PHOSPHO1: variants seen among roughly 807,000 people sequenced by gnomAD.
PHOSPHO1 encodes phosphoethanolamine/phosphocholine phosphatase.
A neutral mutation model predicts 17.7 loss-of-function variants in PHOSPHO1; 6 were observed. The ratio of observed to expected loss-of-function variants is 0.34; its 90% CI spans 0.19 to 0.67. The LOEUF is 0.67. Among genes scored for constraint, PHOSPHO1 ranks in the 30% least tolerant of loss-of-function variants. PHOSPHO1 has a pLI of 0.69. For missense variants in PHOSPHO1, 330 were observed against 392.1 expected, an observed-to-expected ratio of 0.84 and a Z score of 1.34; for synonymous variants, 159 against 174.6, an observed-to-expected ratio of 0.91 and a Z score of 0.71.
intron 1 of PHOSPHO1, among the ~76,000 whole-genome samples, chr17:49,227,801 C>T (rs2043371995): frequency 6.6e-6 from 1 of 152,208 alleles, no homozygotes; most frequent in South Asian, 2.1e-4. Context: ...TTAAATCCTT[C>T]TGCAGGGATG....
intron 2 of PHOSPHO1, chr17:49,225,629 G>A: frequency 7.7e-7 from 1 of 1,292,346 alleles, no homozygotes; most frequent in Non-Finnish European, 1.0e-6. Context: ...AGGGCCCTGT[G>A]CTGACAGCTC....
chr17:49,225,993 G>T (rs144537807), intron 2 of PHOSPHO1, among the ~76,000 whole-genome samples: 1 of 152,052 alleles, frequency 6.6e-6, no homozygotes, highest in African/African-American at 2.4e-5. Flanking sequence ...CCAGATTCTT[G>T]TTGGAGGGGA....
In PHOSPHO1 at chr17:49,224,476, C is replaced by T; in HGVS notation, c.574G>A (p.Gly192Ser). ...TAGAAGAGGCGCTCGAAGTGCACGC[C>T]GTCGTGGGCCCGCTCGCGCAGGTAG... Reference protein sequence around the residue: ...SDYLRERAHDGVHFERLFYVG... With the variant: ...SDYLRERAHDSVHFERLFYVG... Residue 192 changes from glycine (G) to serine (S), a missense_variant, in exon 3 of 3, where the codon GGC becomes AGC. Gly to Ser is a moderately conservative substitution (Grantham distance 56, BLOSUM62 0). Coordinates refer to ENST00000310544, the MANE Select transcript of PHOSPHO1 (RefSeq NM_178500.4). 2 of 1,566,056 alleles carry T rather than the reference C, an allele frequency of 1.3e-6. No individual in the cohort carries two copies. The highest frequency in any genetic ancestry group is 1.7e-6 in the Non-Finnish European group (2 of 1,157,648).
intron 1 of PHOSPHO1, among the ~76,000 whole-genome samples, chr17:49,230,188 G>T (rs2043399118): frequency 6.6e-6 from 1 of 152,146 alleles, no homozygotes; most frequent in South Asian, 2.1e-4. Context: ...CCCCCGGCTG[G>T]CGGGCGCTGG....
Position 49,224,620 on chromosome 17 carries a change from G to C in PHOSPHO1, c.430C>G (p.Arg144Gly). The C allele has an allele frequency of 6.3e-7, 1 of 1,581,248 alleles. No homozygotes were observed. Among genetic ancestry groups the C allele is most frequent in the Non-Finnish European group, 8.6e-7 (1 of 1,169,424 alleles). Residue 144 changes from arginine to glycine, a missense_variant, in exon 3 of 3, where the codon CGC (arginine) becomes GGC (glycine). Coordinates refer to ENST00000310544, the MANE Select transcript of PHOSPHO1 (RefSeq NM_178500.4). Reference protein sequence around the residue: ...RAAGHHSLFRRILSNPSGPDA... With the variant: ...RAAGHHSLFRGILSNPSGPDA... ...GGCCCCGACGGGTTGCTGAGGATGC[G>C]GCGGAACAGGCTGTGGTGGCCGGCG...
intron 2 of PHOSPHO1, chr17:49,225,583 GTCTAGGGATGGGGCACAGCT>G (rs1462316463): frequency 7.8e-7 from 1 of 1,287,374 alleles, no homozygotes; most frequent in Admixed American, 2.3e-5. Context: ...CTGAACAGGG[GTCTAGGGATGGGGCACAGCT>G]TCTTCGGGGA....
At position 49,226,647 on chromosome 17, in the gene PHOSPHO1, C is replaced by A; in HGVS notation, c.45G>T (p.Arg15Ser). The change falls in exon 2 of 3, where the codon AGG becomes AGT. Residue 15 changes from arginine (R) to serine (S), a missense_variant and splice_region_variant. Arg to Ser is a moderately radical substitution (Grantham distance 110). Transcript: ENST00000310544. ...FPVSGLRCLS[R>S]DGRMAAQGAP... The stretch of plus-strand genomic sequence containing the variant: ...GAGACCCCTGGAGGGACCCACTTAC[C>A]CTAGATAGGCAGCGGAGGCCAGAAA... The A allele has an allele frequency of 6.2e-7, 1 of 1,614,172 alleles. No homozygotes were observed.
intron 2 of PHOSPHO1, chr17:49,225,564 C>T: frequency 2.4e-6 from 3 of 1,245,726 alleles, no homozygotes; most frequent in Non-Finnish European, 3.1e-6. Flanking sequence ...TGCTTCTAGC[C>T]CAATGGCACT....
At chr17:49,226,885 AC>A (rs2143566565) in intron 1 of PHOSPHO1, 127 bp from the exon 2 acceptor site, 1 of 619,576 alleles carries the variant, frequency 1.6e-6, no homozygotes, top group Non-Finnish European at 2.9e-6. Context: ...AGCAAAAACA[AC>A]CCCTCAAATA....
chr17:49,224,813 C>G lies in PHOSPHO1; in HGVS notation c.237G>C (p.Leu79=), dbSNP rs1406711829. ...NEYMQRVFKY[L]GEQGVRPRDL... ...CCCGCGGCCGCACGCCCTGCTCGCC[C>G]AGGTACTTGAAGACGCGCTGCATGT... The change falls in exon 3 of 3, where the codon CTG becomes CTC. Residue 79 remains leucine (L), a synonymous_variant. Coordinates refer to ENST00000310544, the MANE Select transcript of PHOSPHO1 (RefSeq NM_178500.4). 2 of 1,602,194 alleles carry G rather than the reference C, an allele frequency of 1.2e-6. No individual in the cohort carries two copies. Among genetic ancestry groups the G allele is most frequent in the East Asian group, 4.5e-5 (2 of 44,182 alleles).
intron 1 of PHOSPHO1, among the ~76,000 whole-genome samples, chr17:49,227,817 C>T (rs750047525): frequency 1.3e-5 from 2 of 152,116 alleles, no homozygotes; most frequent in Non-Finnish European, 2.9e-5. Context: ...GGATGGAATG[C>T]GGCTCTCAGT....
chr17:49,224,962 T>A lies in PHOSPHO1; in HGVS notation c.88A>T (p.Thr30Ser), dbSNP rs778697395. Reference protein sequence around the residue: ...AAQGAPRFLLTFDFDETIVDE... With the variant: ...AAQGAPRFLLSFDFDETIVDE... ...ACGATAGTCTCGTCGAAGTCGAAGG[T>A]CAGGAGGAAGCGCGGCGCGCCCTGC... The change falls in exon 3 of 3, where the codon ACC becomes TCC. Residue 30 changes from threonine (T) to serine (S), a missense_variant. By Grantham distance (58) the Thr-to-Ser change is moderately conservative. Coordinates refer to ENST00000310544, the MANE Select transcript of PHOSPHO1 (RefSeq NM_178500.4). The A allele has an allele frequency of 1.3e-6, 2 of 1,572,062 alleles. No individual in the cohort carries two copies. The highest frequency in any genetic ancestry group is 2.3e-5 in the South Asian group (2 of 87,284).
At chr17:49,229,172 C>T (rs1326351908) in intron 1 of PHOSPHO1, 5 of 152,194 alleles carry the variant, frequency 3.3e-5, no homozygotes, top group East Asian at 1.9e-4. Context: ...TGCTGTGACA[C>T]CTCGTCCCCA....
At chr17:49,230,107 G>A (rs2043398198) in intron 1 of PHOSPHO1, among the ~76,000 whole-genome samples, 1 of 152,166 alleles carries the variant, frequency 6.6e-6, no homozygotes, top group Non-Finnish European at 1.5e-5. Context: ...GGGGCAGGGA[G>A]GTGGCAGCTG....
At chr17:49,226,864 C>T in intron 1 of PHOSPHO1, 106 bp from the exon 2 acceptor site, 2 of 681,048 alleles carry the variant, frequency 2.9e-6, no homozygotes, top group Non-Finnish European at 5.1e-6. Context: ...AGGAGGCATT[C>T]CCAGGGTCTT....
chr17:49,226,762 A>G lies in PHOSPHO1; in HGVS notation c.-67-4T>C. 1 of 1,583,592 alleles carries G rather than the reference A, an allele frequency of 6.3e-7. No homozygotes were observed. Among genetic ancestry groups the G allele is most frequent in the Non-Finnish European group, 8.7e-7 (1 of 1,152,812 alleles). On this transcript the variant is annotated splice_polypyrimidine_tract_variant and splice_region_variant and intron_variant, in intron 1 of 2. Coordinates refer to ENST00000310544, the MANE Select transcript of PHOSPHO1 (RefSeq NM_178500.4). ...CTCCAGCCGTCGTCACACGTTCCTG[A>G]CAACCACAAAAGTTCATTTGAGGGT...
At chr17:49,225,076 C>T (rs766758664) in intron 2 of PHOSPHO1, 72 bp from the exon 3 acceptor site, 1 of 1,444,760 alleles carries the variant, frequency 6.9e-7, no homozygotes, top group Non-Finnish European at 9.1e-7. Flanking sequence ...GGCAGGAGCC[C>T]GCCCGGGAGA....
At position 49,224,747 on chromosome 17, in the gene PHOSPHO1, G is replaced by A. The variant is rs1289032714; in HGVS notation, c.303C>T (p.Gly101=). The A allele has an allele frequency of 6.3e-7, 1 of 1,599,562 alleles. No individual in the cohort carries two copies. The highest frequency in any genetic ancestry group is 1.7e-5 in the Admixed American group (1 of 57,724). ...AIYEAIPLSP[G]MSDLLQFVAK... The stretch of plus-strand genomic sequence containing the variant: ...CCACAAACTGCAGCAGGTCGCTCAT[G>A]CCTGGCGACAAAGGGATGGCTTCGT... The change falls in exon 3 of 3, where the codon GGC becomes GGT. Residue 101 remains glycine, a synonymous_variant. Transcript: ENST00000310544.
intron 1 of PHOSPHO1, chr17:49,229,057 T>C (rs948670680): frequency 2.0e-5 from 3 of 152,096 alleles, no homozygotes; most frequent in African/African-American, 7.2e-5. Flanking sequence ...ATCTAGGGGA[T>C]TCAGTTAAAC....
Sources: gnomAD v4.1 joint callset for allele counts (sites outside exome capture counted in the v4.1 genomes callset) on GRCh38, gnomAD v4.1.1 for gene constraint, MANE v1.5 for transcripts, NCBI Gene and HGNC (gene_info 2026-07-23, HGNC 2026-07-21) for gene names.